Variants in MRPS6 observed in about 807,000 individuals in gnomAD.
The protein encoded by MRPS6 is mitochondrial ribosomal protein S6, also known as small ribosomal subunit protein bS6m.
In MRPS6, 6 loss-of-function variants were observed where a neutral mutation model predicts 13.1. The observed-to-expected ratio is 0.46, with a 90% CI of 0.25 to 0.91. The LOEUF is 0.91. Among genes scored for constraint, MRPS6 ranks in the 40% least tolerant of loss-of-function variants. The pLI, the probability that MRPS6 is intolerant of heterozygous loss-of-function variation, is 0.18. For missense variants in MRPS6, 164 were observed against 155.6 expected, an observed-to-expected ratio of 1.05 and a Z score of -0.29; for synonymous variants, 61 against 56.5, an observed-to-expected ratio of 1.08 and a Z score of -0.36.
chr21:34,116,210 G>GTGTA (rs934163162), intron 1 of MRPS6, among the ~76,000 whole-genome samples: 2 of 147,994 alleles, frequency 1.4e-5, no homozygotes, highest in Non-Finnish European at 3.0e-5. Context: ...GTGTGTGTGT[G>GTGTA]TGTGTGTATG....
intron 1 of MRPS6, among the ~76,000 whole-genome samples, chr21:34,076,802 T>C (rs1217423391): frequency 6.6e-6 from 1 of 152,224 alleles, no homozygotes; most frequent in Non-Finnish European, 1.5e-5. Context: ...TCTTAGTTCA[T>C]ATTTATAGAA....
At chr21:34,076,566 A>G (rs1989336610) in intron 1 of MRPS6, among the ~76,000 whole-genome samples, 1 of 152,238 alleles carries the variant, frequency 6.6e-6, no homozygotes, top group South Asian at 2.1e-4. Flanking sequence ...GCATTTAGGA[A>G]TGTAGTTAAC....
chr21:34,100,909 C>A (rs531081787), intron 1 of MRPS6: 727 of 1,000,146 alleles, frequency 7.3e-4, no homozygotes, highest in Non-Finnish European at 8.2e-4. Flanking sequence ...GTTAGGTCTT[C>A]CCTGTTCCTG....
intron 1 of MRPS6, among the ~76,000 whole-genome samples, chr21:34,108,584 C>T (rs1175638789): frequency 6.6e-6 from 1 of 152,198 alleles, no homozygotes; most frequent in African/African-American, 2.4e-5. Context: ...TTTTAGCCTT[C>T]CCTCGGTGTT....
intron 2 of MRPS6, among the ~76,000 whole-genome samples, chr21:34,141,489 A>G (rs1380622319): frequency 1.3e-5 from 2 of 152,216 alleles, no homozygotes; most frequent in Non-Finnish European, 2.9e-5. Flanking sequence ...CAGAAGGACC[A>G]GCGAGTACAA....
rs1331308801 is a variant in MRPS6, at chr21:34,140,135, C to CCT, written c.186-2260_186-2259dup. 3.3e-5 allele frequency among the ~76,000 whole-genome samples: 5 copies of CCT among 150,884 alleles called. No homozygotes were observed. The South Asian group carries it at 6.2e-4, about 19-fold the overall frequency. On this transcript the variant is annotated intron_variant, in intron 2 of 2. Coordinates refer to ENST00000399312, the MANE Select transcript of MRPS6 (RefSeq NM_032476.4). ...TCTTTTTTCTGCTTTGGGGATTTCT[C>CCT]CTCTCTCTCTCTCTTCTCATCTTAC...
intron 2 of MRPS6, chr21:34,135,538 G>A: frequency 2.0e-6 from 1 of 500,042 alleles, no homozygotes. Flanking sequence ...CAGGCACTCA[G>A]CAATGGTCAT....
intron 1 of MRPS6, chr21:34,103,324 A>AC (rs1979330402): frequency 8.0e-6 from 8 of 999,112 alleles, no homozygotes; most frequent in Non-Finnish European, 9.6e-6. Context: ...GTAAAAAAAA[A>AC]AAAAAAACAT....
At chr21:34,084,695 C>T (rs1370324713) in intron 1 of MRPS6, among the ~76,000 whole-genome samples, 3 of 152,178 alleles carry the variant, frequency 2.0e-5, no homozygotes, top group East Asian at 1.9e-4. Context: ...CTTGGTCATA[C>T]GTAATGGTAA....
intron 2 of MRPS6, among the ~76,000 whole-genome samples, chr21:34,127,426 T>C (rs1980347165): frequency 6.6e-6 from 1 of 152,240 alleles, no homozygotes; most frequent in Admixed American, 6.5e-5. Context: ...CCTTACATGA[T>C]CGAATTCCTT....
chr21:34,099,301 GTC>G, intron 1 of MRPS6: 1 of 1,000,204 alleles, frequency 1.0e-6, no homozygotes, highest in Non-Finnish European at 1.2e-6. Context: ...AGGTTATGAA[GTC>G]TCTTTTGGGA....
chr21:34,094,871 C>A, intron 1 of MRPS6: 1 of 259,690 alleles, frequency 3.9e-6, no homozygotes, highest in Non-Finnish European at 7.2e-6. Context: ...AGGGTTGGTA[C>A]AGTAGGCTTC....
chr21:34,077,057 G>GC (rs929762763), intron 1 of MRPS6, among the ~76,000 whole-genome samples: 22 of 152,256 alleles, frequency 1.4e-4, no homozygotes, highest in East Asian at 3.9e-4. Context: ...CCTCCACCCT[G>GC]CCCCCCCTGC....
chr21:34,123,151 T>C (rs1370252153), intron 1 of MRPS6: 2 of 152,198 alleles, frequency 1.3e-5, no homozygotes, highest in Non-Finnish European at 2.9e-5. Flanking sequence ...TAAAGAATGT[T>C]TTTTTCTAAG....
rs376336718 is a variant in MRPS6, at chr21:34,100,733, A to ATAG, written c.46-24607_46-24605dup. ...AAGGGGTTAACTCTTGTGAGAGCCA[A>ATAG]TAGAGTGTGTCTGTATTCGCAGTCC... On this transcript the variant is annotated intron_variant, in intron 1 of 2. Coordinates refer to ENST00000399312, the MANE Select transcript of MRPS6 (RefSeq NM_032476.4). 5.4e-3 allele frequency: 5,435 copies of ATAG among 1,000,064 alleles called. 107 individuals are homozygous for ATAG. In the South Asian group the frequency reaches 0.078, roughly 14 times the overall value. 61.9% of individuals were successfully genotyped at this position (1,000,064 alleles called of 1,614,324 possible). A position where few individuals can be genotyped will look rare whatever the true frequency, so the allele number is the denominator to read the frequency against.
intron 1 of MRPS6, chr21:34,104,558 A>G (rs191566121): frequency 2.2e-4 from 224 of 998,904 alleles, no homozygotes; most frequent in Non-Finnish European, 2.5e-4. Flanking sequence ...AAGGAAGACT[A>G]TATCTGGTGT....
At chr21:34,103,622 C>CT in intron 1 of MRPS6, 1 of 1,000,034 alleles carries the variant, frequency 1.0e-6, no homozygotes, top group African/African-American at 1.7e-5. Flanking sequence ...AAGCACAAGA[C>CT]TAATAGTATT....
chr21:34,079,137 C>T (rs184368849), intron 1 of MRPS6, among the ~76,000 whole-genome samples: 1 of 152,098 alleles, frequency 6.6e-6, no homozygotes, highest in South Asian at 2.1e-4. Context: ...TGACCTGTCA[C>T]CTATATTTTT....
chr21:34,100,646 C>G, intron 1 of MRPS6: 1 of 1,000,202 alleles, frequency 1.0e-6, no homozygotes, highest in Non-Finnish European at 1.2e-6. Context: ...CTCTGTGAAA[C>G]TTCACATTTT....
Sources: gnomAD v4.1 joint callset for allele counts (sites outside exome capture counted in the v4.1 genomes callset) on GRCh38, gnomAD v4.1.1 for gene constraint, MANE v1.5 for transcripts, NCBI Gene and HGNC (gene_info 2026-07-23, HGNC 2026-07-21) for gene names.